Variants in STPG2 observed in about 807,000 individuals in gnomAD.
The protein encoded by STPG2 is sperm-tail PG-rich repeat-containing protein 2.
A neutral mutation model predicts 54.2 loss-of-function variants in STPG2; 56 were observed. That is an observed-to-expected ratio of 1.03 (90% confidence interval 0.83 to 1.29). The LOEUF is 1.29. Among genes scored for constraint, STPG2 ranks in the 50% most tolerant of loss-of-function variants. STPG2 has a pLI of 0.00. For synonymous variants in STPG2, 200 were observed against 181.8 expected (o/e 1.10, Z -0.81); for missense variants, 596 against 544.9 (o/e 1.09, Z -0.93).
At chr4:97,671,436 A>G (rs915522116) in intron 10 of STPG2, among the ~76,000 whole-genome samples, 1 of 152,232 alleles carries the variant, frequency 6.6e-6, no homozygotes, top group Non-Finnish European at 1.5e-5. Context: ...GTGTAATAAC[A>G]GTGCTTCCCA....
chr4:97,745,474 AT>A lies in STPG2; in HGVS notation c.1205-32661del, dbSNP rs1341779800. ...CTTAGTCTACTGATTTTAGAAAATC[AT>A]TTTTTATATTCATTCACAAGGACTT... On this transcript the variant is annotated intron_variant, in intron 9 of 10. Transcript: ENST00000295268. Among the ~76,000 whole-genome samples, 11 of 151,208 alleles carry A rather than the reference AT, an allele frequency of 7.3e-5. No individual in the cohort carries two copies. In the South Asian group the frequency reaches 1.4e-3, roughly 20 times the overall value.
intron 8 of STPG2, among the ~76,000 whole-genome samples, chr4:97,912,139 C>A (rs1280728779): frequency 6.6e-6 from 1 of 151,772 alleles, no homozygotes; most frequent in African/African-American, 2.4e-5. Context: ...GAAAAAAAAA[C>A]ACCCTACAAA....
At chr4:97,635,650 A>G (rs886548162) in intron 10 of STPG2, among the ~76,000 whole-genome samples, 5 of 152,212 alleles carry the variant, frequency 3.3e-5, no homozygotes, top group African/African-American at 1.2e-4. Flanking sequence ...AGGAAGATCT[A>G]CGAAGCAAAT....
intron 9 of STPG2, among the ~76,000 whole-genome samples, chr4:97,788,909 C>T (rs761640069): frequency 8.6e-5 from 13 of 151,950 alleles, no homozygotes; most frequent in Non-Finnish European, 1.9e-4. Flanking sequence ...TTGTCTTGAA[C>T]GTAAATAAAG....
At chr4:97,825,805 TAAA>T (rs1728241291) in intron 9 of STPG2, among the ~76,000 whole-genome samples, 1 of 152,116 alleles carries the variant, frequency 6.6e-6, no homozygotes. Flanking sequence ...ATCAGAAAAA[TAAA>T]AAGTGTAATG....
chr4:97,632,347 T>C (rs1216047298), intron 10 of STPG2, among the ~76,000 whole-genome samples: 1 of 151,588 alleles, frequency 6.6e-6, no homozygotes, highest in Non-Finnish European at 1.5e-5. Context: ...AGATCACAGC[T>C]ATGTTTTACA....
chr4:97,895,237 T>C (rs1053405732), intron 8 of STPG2, among the ~76,000 whole-genome samples: 1 of 151,414 alleles, frequency 6.6e-6, no homozygotes, highest in African/African-American at 2.4e-5. Flanking sequence ...AGATATTACC[T>C]TTGAACTGCC....
At chr4:98,119,707 C>G (rs1739622265) in intron 3 of STPG2, among the ~76,000 whole-genome samples, 1 of 151,902 alleles carries the variant, frequency 6.6e-6, no homozygotes. Context: ...GCCCCACATG[C>G]ATTAGCTATT....
chr4:97,478,955 T>C (rs1243673947), intron 4 of STPG2, among the ~76,000 whole-genome samples: 1 of 150,162 alleles, frequency 6.7e-6, no homozygotes, highest in African/African-American at 2.4e-5. Flanking sequence ...ATATAAGTAA[T>C]TGGATGATGG....
At chr4:97,514,183 A>G (rs1731029363) in intron 4 of STPG2, among the ~76,000 whole-genome samples, 1 of 152,080 alleles carries the variant, frequency 6.6e-6, no homozygotes, top group Non-Finnish European at 1.5e-5. Flanking sequence ...AGAGTTCCTA[A>G]TATGCTATGA....
chr4:97,983,401 T>C (rs2149264537), intron 5 of STPG2, among the ~76,000 whole-genome samples: 1 of 152,324 alleles, frequency 6.6e-6, no homozygotes, highest in South Asian at 2.1e-4. Flanking sequence ...AAAAGCCACA[T>C]GCAGATTTTC....
intron 10 of STPG2, among the ~76,000 whole-genome samples, chr4:97,703,627 A>G (rs1270660612): frequency 7.2e-6 from 1 of 139,440 alleles, no homozygotes; most frequent in African/African-American, 2.6e-5. Flanking sequence ...TACTATATAT[A>G]TTATATATAT....
At chr4:97,756,498 A>AT (rs1162180178) in intron 9 of STPG2, among the ~76,000 whole-genome samples, 6 of 151,366 alleles carry the variant, frequency 4.0e-5, no homozygotes, top group African/African-American at 9.7e-5. Flanking sequence ...ATTTTTTTGT[A>AT]TTTTTTTAGT....
chr4:97,642,906 T>G (rs1319996396), intron 10 of STPG2, among the ~76,000 whole-genome samples: 1 of 151,320 alleles, frequency 6.6e-6, no homozygotes, highest in Non-Finnish European at 1.5e-5. Flanking sequence ...AATTGCCAAA[T>G]AAATTCAAAA....
chr4:97,478,199 A>G (rs1465677144), intron 4 of STPG2, among the ~76,000 whole-genome samples: 1 of 152,194 alleles, frequency 6.6e-6, no homozygotes, highest in Non-Finnish European at 1.5e-5. Flanking sequence ...CACAAAGCAG[A>G]GTAAACAGAA....
intron 8 of STPG2, among the ~76,000 whole-genome samples, chr4:97,926,441 A>G (rs1732333865): frequency 1.3e-5 from 2 of 151,904 alleles, no homozygotes; most frequent in African/African-American, 4.8e-5. Context: ...TACTTTTCCT[A>G]TTCTCTTTCT....
intron 10 of STPG2, among the ~76,000 whole-genome samples, chr4:97,594,983 C>T (rs1486652902): frequency 1.3e-5 from 2 of 152,116 alleles, no homozygotes; most frequent in South Asian, 4.1e-4. Context: ...GAAATAGGAA[C>T]ACTTTTACAC....
chr4:97,448,468 G>A (rs1213844610), intron 4 of STPG2, among the ~76,000 whole-genome samples: 3 of 152,032 alleles, frequency 2.0e-5, no homozygotes, highest in African/African-American at 7.2e-5. Context: ...TGGATCATGG[G>A]GGTGTTTTCC....
chr4:97,995,550 C>T (rs935807279), intron 5 of STPG2, among the ~76,000 whole-genome samples: 1 of 151,922 alleles, frequency 6.6e-6, no homozygotes, highest in African/African-American at 2.4e-5. Flanking sequence ...GCTGACTAGA[C>T]ACAGCCAAGA....
Sources: allele counts gnomAD v4.1 joint callset (sites outside exome capture counted in the v4.1 genomes callset), GRCh38; gene constraint gnomAD v4.1.1; transcripts MANE v1.5; gene names NCBI Gene and HGNC (gene_info 2026-07-23, HGNC 2026-07-21).